SDK1: variants seen among roughly 807,000 people sequenced by gnomAD.
The protein encoded by SDK1 is protein sidekick-1.
Under a neutral mutation model 245.5 loss-of-function variants are expected in SDK1, and 157 were observed. That is an observed-to-expected ratio of 0.64 (90% CI 0.56 to 0.73). The LOEUF is 0.73. Ranked by LOEUF, SDK1 falls within the 30% of genes least tolerant of loss-of-function variation. SDK1 has a pLI of 0.00. For missense variants in SDK1, 3,583 were observed against 3,002.3 expected (o/e 1.19, Z -4.52); for synonymous variants, 1,647 against 1,278.5 (o/e 1.29, Z -6.15).
intron 1 of SDK1, among the ~76,000 whole-genome samples, chr7:3,557,142 G>GA (rs774970237): frequency 4.0e-5 from 6 of 151,436 alleles, no homozygotes; most frequent in South Asian, 2.1e-4. Context: ...GGAAACAGTA[G>GA]AAAAAAAATC....
Position 3,698,412 on chromosome 7 carries a change from G to A in SDK1, c.713+56307G>A, listed in dbSNP as rs1186637055. ...TTCCACCTTACCTGGTGCTGTCAGG[G>A]TGTCCCTTGTCCTCCCCACTGGGGT... On this transcript the variant is annotated intron_variant, in intron 4 of 44. Transcript: ENST00000404826. 5.9e-5 allele frequency among the ~76,000 whole-genome samples: 9 copies of A among 152,226 alleles called. No homozygotes were observed. In the East Asian group the frequency reaches 1.2e-3, roughly 20 times the overall value.
At chr7:4,136,266 G>A (rs748357232) in intron 28 of SDK1, among the ~76,000 whole-genome samples, 34 of 152,230 alleles carry the variant, frequency 2.2e-4, no homozygotes, top group Admixed American at 9.2e-4. Flanking sequence ...CATTACAGCC[G>A]GCACACCACA....
intron 1 of SDK1, among the ~76,000 whole-genome samples, chr7:3,348,299 A>G (rs1780561778): frequency 1.3e-5 from 2 of 152,188 alleles, no homozygotes; most frequent in Admixed American, 1.3e-4. Context: ...TAATGCTAGT[A>G]CCTGACTCAC....
At chr7:3,568,719 C>G (rs957898217) in intron 1 of SDK1, among the ~76,000 whole-genome samples, 2 of 152,258 alleles carry the variant, frequency 1.3e-5, no homozygotes, top group East Asian at 3.9e-4. Flanking sequence ...ATAGATGTGG[C>G]CTTTGGTAGG....
chr7:3,986,135 G>T (rs1470586114), intron 13 of SDK1, among the ~76,000 whole-genome samples: 1 of 152,166 alleles, frequency 6.6e-6, no homozygotes, highest in South Asian at 2.1e-4. Context: ...TGTAGACTCA[G>T]CCTTGGTAGA....
chr7:4,217,053 A>C (rs1377810865), intron 38 of SDK1, among the ~76,000 whole-genome samples: 3 of 36,982 alleles, frequency 8.1e-5, no homozygotes, highest in Non-Finnish European at 1.1e-4. Context: ...CCGGAGCACC[A>C]CACCACCCGG....
At chr7:3,676,855 C>G (rs369744186) in intron 4 of SDK1, among the ~76,000 whole-genome samples, 1 of 152,114 alleles carries the variant, frequency 6.6e-6, no homozygotes, top group East Asian at 1.9e-4. Context: ...GGGTTCTGCT[C>G]CATTGGTCTG....
At chr7:3,336,724 C>T (rs1404816897) in intron 1 of SDK1, among the ~76,000 whole-genome samples, 3 of 152,098 alleles carry the variant, frequency 2.0e-5, no homozygotes, top group Non-Finnish European at 2.9e-5. Context: ...GTAGCTTGGC[C>T]CAGAGGGTAG....
intron 1 of SDK1, among the ~76,000 whole-genome samples, chr7:3,366,498 G>A (rs1003323320): frequency 1.3e-5 from 2 of 151,980 alleles, no homozygotes; most frequent in South Asian, 2.1e-4. Context: ...TCCCCTTTAT[G>A]GGGATTTTAT....
intron 4 of SDK1, among the ~76,000 whole-genome samples, chr7:3,656,741 T>C (rs956214404): frequency 1.4e-5 from 1 of 72,738 alleles, no homozygotes; most frequent in Admixed American, 1.4e-4. Flanking sequence ...GTGGAAATCT[T>C]TTTTTTTTTT....
In SDK1 at chr7:4,210,122, G is replaced by T. The variant is rs1200531578; in HGVS notation, c.5499G>T (p.Gln1833His). The change falls in exon 38 of 45, where the codon CAG becomes CAT. Residue 1833 changes from glutamine (Q) to histidine (H), a missense_variant. Transcript: ENST00000404826. ...CTGCGGCGGCCAACGGCATCCTGCA[G>T]GGCTATCGGGTGGTGTACGAGCCCT... Reference protein sequence around the residue: ...GEPAAANGILQGYRVVYEPLA... With the variant: ...GEPAAANGILHGYRVVYEPLA... 1 of 1,606,740 alleles carries T rather than the reference G, an allele frequency of 6.2e-7. No individual in the cohort carries two copies. The highest frequency in any genetic ancestry group is 1.3e-5 in the African/African-American group (1 of 74,698).
At chr7:3,981,050 T>G (rs1442357095) in intron 13 of SDK1, among the ~76,000 whole-genome samples, 2 of 152,228 alleles carry the variant, frequency 1.3e-5, no homozygotes, top group African/African-American at 4.8e-5. Context: ...ATTTACAAAC[T>G]GGAGGTTTGC....
At chr7:3,458,307 T>A (rs1780730194) in intron 1 of SDK1, among the ~76,000 whole-genome samples, 1 of 152,174 alleles carries the variant, frequency 6.6e-6, no homozygotes, top group African/African-American at 2.4e-5. Flanking sequence ...TTTCTGAAAT[T>A]CATTTAGGAT....
chr7:4,220,208 A>G lies in SDK1; in HGVS notation c.5639A>G (p.Gln1880Arg), dbSNP rs1785063048. ...GGAGTGACCTATTTCTTCCGTGTCC[A>G]AGCGCGGACCATCACCTACGGGCCC... ...TKGVTYFFRV[Q>R]ARTITYGPEL... Residue 1880 changes from glutamine (Q) to arginine (R), a missense_variant, in exon 39 of 45, where the codon CAA becomes CGA. Physicochemically the swap from Gln to Arg is conservative, Grantham distance 43. Transcript: ENST00000404826. 6.2e-7 allele frequency: 1 copy of G among 1,614,058 alleles called. No individual in the cohort carries two copies. Among genetic ancestry groups the G allele is most frequent in the African/African-American group, 1.3e-5 (1 of 75,044 alleles).
chr7:3,872,097 A>G (rs760571632), intron 5 of SDK1, among the ~76,000 whole-genome samples: 6 of 152,176 alleles, frequency 3.9e-5, no homozygotes, highest in Non-Finnish European at 5.9e-5. Context: ...GGTGAATTGC[A>G]TAGATTGGTG....
intron 22 of SDK1, among the ~76,000 whole-genome samples, chr7:4,083,311 A>G (rs1781182269): frequency 1.3e-5 from 2 of 151,056 alleles, no homozygotes; most frequent in African/African-American, 4.9e-5. Flanking sequence ...TCCTGTCACT[A>G]TAGGTTACAG....
At chr7:4,149,536 G>T (rs373605409) in intron 30 of SDK1, 73 bp downstream of exon 30, 51 of 1,103,198 alleles carry the variant, frequency 4.6e-5, no homozygotes, top group African/African-American at 2.8e-4. Flanking sequence ...TGTCCAGATA[G>T]TGGGGAGGCT....
chr7:3,960,920 A>G lies in SDK1; in HGVS notation c.1235-1737A>G, dbSNP rs542671427. On this transcript the variant is annotated intron_variant, in intron 8 of 44. Transcript: ENST00000404826. ...TTATATTTCAGAAATAAGAGTATAC[A>G]ATACTGCGGGGGATAAGATTTCTGT... 5.2e-4 allele frequency among the ~76,000 whole-genome samples: 79 copies of G among 152,346 alleles called. No homozygotes were observed. The Middle Eastern group carries it at 0.01, about 20-fold the overall frequency.
chr7:3,466,413 T>G (rs536992581), intron 1 of SDK1, among the ~76,000 whole-genome samples: 1 of 149,388 alleles, frequency 6.7e-6, no homozygotes, highest in South Asian at 2.2e-4. Flanking sequence ...GCATGCTCAC[T>G]TGGCTAACAA....
Sources: gnomAD v4.1 joint callset for allele counts (sites outside exome capture counted in the v4.1 genomes callset) on GRCh38, gnomAD v4.1.1 for gene constraint, MANE v1.5 for transcripts, NCBI Gene and HGNC (gene_info 2026-07-23, HGNC 2026-07-21) for gene names.